The following PTPRG variants were observed in gnomAD, a reference collection of about 807,000 sequenced individuals.
The protein encoded by PTPRG is receptor-type tyrosine-protein phosphatase gamma.
PTPRG carries 102 observed loss-of-function variants against 165.3 expected under a neutral mutation model. That is an observed-to-expected ratio of 0.62 (90% CI 0.53 to 0.73). The LOEUF (loss-of-function observed/expected upper bound fraction) is 0.73, where lower values mean the gene tolerates loss of function less well. Ranked by LOEUF, PTPRG falls within the 30% of genes least tolerant of loss-of-function variation. PTPRG has a pLI of 0.00. For synonymous variants in PTPRG, 675 were observed against 669.5 expected (o/e 1.01, Z -0.13); for missense variants, 1,866 against 1,861.4 (o/e 1.00, Z -0.05).
At chr3:62,165,468 A>C (rs1401131807) in intron 7 of PTPRG, among the ~76,000 whole-genome samples, 1 of 152,176 alleles carries the variant, frequency 6.6e-6, no homozygotes, top group African/African-American at 2.4e-5. Context: ...GGACAAAGTA[A>C]TCAGTCCAAT....
chr3:61,746,427 C>T (rs988540093), intron 1 of PTPRG, among the ~76,000 whole-genome samples: 1 of 151,758 alleles, frequency 6.6e-6, no homozygotes, highest in Non-Finnish European at 1.5e-5. Context: ...GCCAGGATGG[C>T]ACACGCGCTA....
chr3:62,062,577 A>C (rs9831608), intron 4 of PTPRG, among the ~76,000 whole-genome samples: 100,729 of 152,076 alleles, frequency 0.66, 34,560 homozygotes, highest in South Asian at 0.86. Flanking sequence ...AGTTCAACAG[A>C]GACATCTATT....
chr3:61,578,816 T>C (rs1410358427), intron 1 of PTPRG, among the ~76,000 whole-genome samples: 1 of 152,160 alleles, frequency 6.6e-6, no homozygotes, highest in Non-Finnish European at 1.5e-5. Context: ...CCCATCCCTG[T>C]TTAATTGTTT....
At chr3:61,723,443 G>A (rs1013237353) in intron 1 of PTPRG, among the ~76,000 whole-genome samples, 1 of 151,866 alleles carries the variant, frequency 6.6e-6, no homozygotes, top group Non-Finnish European at 1.5e-5. Context: ...ACAAGAAAAG[G>A]GAAACCCCCA....
intron 5 of PTPRG, among the ~76,000 whole-genome samples, chr3:62,087,151 T>C (rs1701779476): frequency 6.6e-6 from 1 of 152,214 alleles, no homozygotes. Context: ...TCTTAGGCAC[T>C]CTGTAGTAAC....
chr3:61,603,275 C>A (rs1700915489), intron 1 of PTPRG, among the ~76,000 whole-genome samples: 1 of 152,104 alleles, frequency 6.6e-6, no homozygotes, highest in Non-Finnish European at 1.5e-5. Context: ...GAGGTGGGGC[C>A]TGGTGGGAGG....
intron 8 of PTPRG, among the ~76,000 whole-genome samples, chr3:62,173,250 GT>G (rs149228099): frequency 1.6e-4 from 24 of 150,290 alleles, no homozygotes; most frequent in East Asian, 2.0e-4. Context: ...ATTTTTTATT[GT>G]TTTTTTTTCC....
chr3:61,626,631 G>T (rs1227681425), intron 1 of PTPRG, among the ~76,000 whole-genome samples: 1 of 152,196 alleles, frequency 6.6e-6, no homozygotes, highest in Non-Finnish European at 1.5e-5. Context: ...GTCCCAGCCA[G>T]GGAAGTAAGA....
At chr3:61,703,212 A>G (rs1447992371) in intron 1 of PTPRG, among the ~76,000 whole-genome samples, 1 of 151,394 alleles carries the variant, frequency 6.6e-6, no homozygotes, top group Non-Finnish European at 1.5e-5. Flanking sequence ...GGTTCTTAGC[A>G]GCTTGTGTTT....
At chr3:62,007,883 G>C (rs1010778659) in intron 4 of PTPRG, among the ~76,000 whole-genome samples, 3 of 152,182 alleles carry the variant, frequency 2.0e-5, no homozygotes, top group African/African-American at 7.2e-5. Flanking sequence ...AGAGATTTTG[G>C]TAGGCAAGAT....
chr3:61,876,683 C>T (rs1037961816), intron 2 of PTPRG, among the ~76,000 whole-genome samples: 6 of 152,012 alleles, frequency 3.9e-5, no homozygotes, highest in African/African-American at 9.7e-5. Flanking sequence ...CCGAGGCGGG[C>T]GGATCCCCTG....
intron 2 of PTPRG, among the ~76,000 whole-genome samples, chr3:61,950,999 CTG>C (rs1384283829): frequency 6.6e-6 from 1 of 152,206 alleles, no homozygotes; most frequent in Non-Finnish European, 1.5e-5. Flanking sequence ...CCCATTGGCT[CTG>C]TGGAATTTTC....
At chr3:61,922,474 CTGTG>C (rs548437135) in intron 2 of PTPRG, among the ~76,000 whole-genome samples, 33 of 152,184 alleles carry the variant, frequency 2.2e-4, no homozygotes, top group African/African-American at 6.3e-4. Context: ...AGGAATGTGT[CTGTG>C]TGAGTGTGTG....
Position 62,219,126 on chromosome 3 carries a change from C to T in PTPRG, c.2288+143C>T. The T allele has an allele frequency of 8.6e-7, 1 of 1,156,432 alleles. No homozygotes were observed. Among genetic ancestry groups the T allele is most frequent in the Non-Finnish European group, 1.2e-6 (1 of 822,228 alleles). 71.6% of individuals were successfully genotyped at this position (1,156,432 alleles called of 1,614,324 possible). ...CTGGTCTTGCCACCCGGAAGGCCAT[C>T]TTGTCTCTGTTAGATGATGGCAGGG... On this transcript the variant is annotated intron_variant, in intron 13 of 29. Coordinates refer to ENST00000474889, the MANE Select transcript of PTPRG (RefSeq NM_002841.4). The surrounding 1 kb of genome is among the most constrained non-coding windows in gnomAD (Gnocchi z 4.5).
chr3:62,144,516 A>G (rs1343573627), intron 6 of PTPRG, among the ~76,000 whole-genome samples: 5 of 152,248 alleles, frequency 3.3e-5, no homozygotes, highest in Admixed American at 6.5e-5. Context: ...AACATGCAAC[A>G]AAGTTTCCCG....
At chr3:62,287,400 T>TTAAAATATATCC (rs1559766969) in intron 28 of PTPRG, among the ~76,000 whole-genome samples, 1 of 152,110 alleles carries the variant, frequency 6.6e-6, no homozygotes, top group African/African-American at 2.4e-5. Context: ...TAATAGGGTA[T>TTAAAATATATCC]TAAAATATAT....
intron 2 of PTPRG, among the ~76,000 whole-genome samples, chr3:61,956,475 T>C (rs1437612032): frequency 6.6e-6 from 1 of 152,174 alleles, no homozygotes; most frequent in Non-Finnish European, 1.5e-5. Context: ...AAATATTTAA[T>C]GTGGATCTAG....
chr3:61,770,135 G>T (rs185625924), intron 2 of PTPRG: 1 of 152,238 alleles, frequency 6.6e-6, no homozygotes, highest in Admixed American at 6.5e-5. Context: ...TATTTCCCTT[G>T]GATTCGTGCT....
At chr3:61,959,146 C>T (rs2040096216) in intron 2 of PTPRG, among the ~76,000 whole-genome samples, 1 of 152,190 alleles carries the variant, frequency 6.6e-6, no homozygotes, top group Non-Finnish European at 1.5e-5. Flanking sequence ...CCGGTCCCTG[C>T]AAATCTAAGG....
Sources: allele counts gnomAD v4.1 joint callset (sites outside exome capture counted in the v4.1 genomes callset), GRCh38; gene constraint gnomAD v4.1.1; non-coding constraint Gnocchi (gnomAD v3.1); transcripts MANE v1.5; gene names NCBI Gene and HGNC (gene_info 2026-07-23, HGNC 2026-07-21).